BLOC1S6: variants seen among roughly 807,000 people sequenced by gnomAD.
The protein encoded by BLOC1S6 is biogenesis of lysosomal organelles complex 1 subunit 6.
In BLOC1S6, 24 loss-of-function variants were observed where a neutral mutation model predicts 24.7. The observed-to-expected ratio is 0.97, with a 90% CI of 0.70 to 1.37. The LOEUF is 1.37. BLOC1S6 is among the 40% of genes most tolerant of loss of function. The pLI, the probability that BLOC1S6 is intolerant of heterozygous loss-of-function variation, is 0.00. For synonymous variants in BLOC1S6, 76 were observed against 72.6 expected, an observed-to-expected ratio of 1.05 and a Z score of -0.23; for missense variants, 175 against 196.2, an observed-to-expected ratio of 0.89 and a Z score of 0.64.
intron 2 of BLOC1S6, chr15:45,602,263 C>T (rs1454894887): frequency 1.2e-5 from 7 of 594,648 alleles, no homozygotes; most frequent in Non-Finnish European, 2.1e-5. Context: ...GTTGTAATTG[C>T]CCTGAGCCTG....
chr15:45,606,527 G>A lies in BLOC1S6; in HGVS notation c.*13G>A. 4.3e-6 allele frequency: 7 copies of A among 1,614,110 alleles called. No individual in the cohort carries two copies. Among genetic ancestry groups the A allele is most frequent in the Non-Finnish European group, 5.9e-6 (7 of 1,180,014 alleles). ...CAAAAGGATGTGAAAAGTTGTGTTT[G>A]TGTGTTTTCTTCTCCTGTCCCATAT... On this transcript the variant is annotated 3_prime_UTR_variant, in exon 5 of 5. Coordinates refer to ENST00000220531, the MANE Select transcript of BLOC1S6 (RefSeq NM_012388.4).
At chr15:45,587,260 C>T (rs1259308920), upstream of BLOC1S6, 11 of 652,472 alleles carry the variant, frequency 1.7e-5, no homozygotes, top group Non-Finnish European at 2.7e-5. Context: ...GCGCGGGGTC[C>T]CCACAACGCC....
intron 2 of BLOC1S6, chr15:45,601,154 T>C (rs528904382): frequency 1.9e-5 from 3 of 154,518 alleles, no homozygotes; most frequent in South Asian, 2.0e-4. Flanking sequence ...GCAGTTATAC[T>C]ATAATAAAAG....
chr15:45,606,721 T>A lies in BLOC1S6; in HGVS notation c.*207T>A. 1.7e-6 allele frequency: 1 copy of A among 601,770 alleles called. No individual in the cohort carries two copies. The highest frequency in any genetic ancestry group is 2.8e-6 in the Non-Finnish European group (1 of 362,734). 37.3% of individuals were successfully genotyped at this position (601,770 alleles called of 1,614,324 possible). ...TATTTATATGTAAGTTTTTCAAATT[T>A]TGCTTAATTTTAAAATTTATTATTT... On this transcript the variant is annotated 3_prime_UTR_variant, in exon 5 of 5. Coordinates refer to ENST00000220531, the MANE Select transcript of BLOC1S6 (RefSeq NM_012388.4).
Position 45,591,984 on chromosome 15 carries a change from G to A in BLOC1S6, c.83-151G>A, listed in dbSNP as rs144986147. On this transcript the variant is annotated intron_variant, in intron 1 of 4. Coordinates refer to ENST00000220531, the MANE Select transcript of BLOC1S6 (RefSeq NM_012388.4). The stretch of plus-strand genomic sequence containing the variant: ...TAGCTGTGTCAATTTGAAAGGTTCC[G>A]GCTGGTCAGAGTGCAGTGGTGTTTA... 714 of 862,538 alleles carry A rather than the reference G, an allele frequency of 8.3e-4. 5 individuals carry two copies. In the African/African-American group the frequency reaches 0.011, roughly 13 times the overall value. 53.4% of individuals were successfully genotyped at this position (862,538 alleles called of 1,614,324 possible).
intron 3 of BLOC1S6, among the ~76,000 whole-genome samples, 169 bp from the exon 4 acceptor site, chr15:45,605,259 C>CT (rs1309121180): frequency 6.6e-6 from 1 of 152,154 alleles, no homozygotes; most frequent in Admixed American, 6.5e-5. Flanking sequence ...TCAAATCCTA[C>CT]TAACAATATA....
chr15:45,589,490 ACACTTCCTTTAGG>A (rs1893806581), intron 1 of BLOC1S6, among the ~76,000 whole-genome samples: 1 of 152,220 alleles, frequency 6.6e-6, no homozygotes, highest in Non-Finnish European at 1.5e-5. Context: ...CTCAGTGTCC[ACACTTCCTTTAGG>A]AATTTTTCTT....
At chr15:45,605,394 T>G in intron 3 of BLOC1S6, 34 bp from the exon 4 acceptor site, 1 of 1,510,026 alleles carries the variant, frequency 6.6e-7, no homozygotes. Flanking sequence ...TAGTCTATTT[T>G]AACTTGACTT....
chr15:45,593,466 C>A (rs555395138), intron 2 of BLOC1S6, among the ~76,000 whole-genome samples: 1 of 151,194 alleles, frequency 6.6e-6, no homozygotes, highest in East Asian at 1.9e-4. Context: ...GAGTTGGCAA[C>A]CTTCTCAGTT....
chr15:45,602,287 C>CT (rs577048423), intron 2 of BLOC1S6: 24,925 of 500,294 alleles, frequency 0.05, 56 homozygotes, highest in Non-Finnish European at 0.054. Flanking sequence ...GTTGTTATTT[C>CT]TTTTTTTTTT....
intron 2 of BLOC1S6, among the ~76,000 whole-genome samples, chr15:45,597,410 A>G (rs933119481): frequency 6.6e-6 from 1 of 152,152 alleles, no homozygotes; most frequent in African/African-American, 2.4e-5. Flanking sequence ...CCAGGAGTTC[A>G]AGGCTGCAGT....
At chr15:45,606,003 A>G (rs1894442495) in intron 4 of BLOC1S6, among the ~76,000 whole-genome samples, 1 of 152,228 alleles carries the variant, frequency 6.6e-6, no homozygotes, top group Non-Finnish European at 1.5e-5. Context: ...ACAGGGTCTC[A>G]CTACGTTTCC....
intron 1 of BLOC1S6, 155 bp downstream of exon 1, chr15:45,587,680 C>T (rs1893731260): frequency 2.6e-6 from 2 of 777,762 alleles, no homozygotes; most frequent in Non-Finnish European, 4.4e-6. Flanking sequence ...GGAACCGCGC[C>T]GGCCCCTCTG....
chr15:45,593,556 G>C (rs1893962971), intron 2 of BLOC1S6, among the ~76,000 whole-genome samples: 1 of 152,074 alleles, frequency 6.6e-6, no homozygotes, highest in South Asian at 2.1e-4. Flanking sequence ...AATCTTTGTT[G>C]TTGTATGAGG....
chr15:45,592,140 A>C lies in BLOC1S6; in HGVS notation c.88A>C (p.Ser30Arg), dbSNP rs1346795032. 3.1e-6 allele frequency: 5 copies of C among 1,614,006 alleles called. No individual in the cohort carries two copies. Among genetic ancestry groups the C allele is most frequent in the Non-Finnish European group, 4.2e-6 (5 of 1,180,044 alleles). The stretch of plus-strand genomic sequence containing the variant: ...TTGATTTTTGCTGGGGACAGGTTTA[A>C]GTGACACTTCTCCAGATGAAGGGTT... ...LEAGEPTPGL[S>R]DTSPDEGLIE... Residue 30 changes from serine to arginine, a missense_variant, in exon 2 of 5, where the codon AGT becomes CGT. Ser to Arg is a moderately radical substitution (Grantham distance 110, BLOSUM62 -1). Coordinates refer to ENST00000220531, the MANE Select transcript of BLOC1S6 (RefSeq NM_012388.4).
At chr15:45,602,246 T>G in intron 2 of BLOC1S6, 2 of 563,008 alleles carry the variant, frequency 3.6e-6, no homozygotes, top group South Asian at 2.3e-5. Context: ...TGCTGGATAG[T>G]AGAGATGTTG....
At chr15:45,595,945 T>C (rs976297203) in intron 2 of BLOC1S6, among the ~76,000 whole-genome samples, 2 of 152,054 alleles carry the variant, frequency 1.3e-5, no homozygotes, top group Non-Finnish European at 2.9e-5. Context: ...GTAGCTGGGA[T>C]TACAGGCATG....
At position 45,607,016 on chromosome 15, in the gene BLOC1S6, T is replaced by A. The variant is rs1041658232; in HGVS notation, c.*502T>A. 1 of 155,670 alleles carries A rather than the reference T, an allele frequency of 6.4e-6. No homozygotes were observed. Among genetic ancestry groups the A allele is most frequent in the Non-Finnish European group, 1.4e-5 (1 of 70,456 alleles). The allele number at this position is 155,670 out of a possible 1,614,324, so 9.6% of individuals were successfully genotyped here. On this transcript the variant is annotated 3_prime_UTR_variant, in exon 5 of 5. Coordinates refer to ENST00000220531, the MANE Select transcript of BLOC1S6 (RefSeq NM_012388.4). Reference sequence around the variant, plus strand: ...GGTAAACCTTTTGAACAGTTGAATTTCATCAGAAGCTCTATAGCTTTTTGG... The same window carrying A: ...GGTAAACCTTTTGAACAGTTGAATTACATCAGAAGCTCTATAGCTTTTTGG...
At chr15:45,593,748 C>T (rs916793627) in intron 2 of BLOC1S6, among the ~76,000 whole-genome samples, 13 of 152,036 alleles carry the variant, frequency 8.6e-5, no homozygotes, top group Admixed American at 5.2e-4. Context: ...ATTATTTTGA[C>T]GATGATAGTA....
Sources: gnomAD v4.1 joint callset for allele counts (sites outside exome capture counted in the v4.1 genomes callset) on GRCh38, gnomAD v4.1.1 for gene constraint, MANE v1.5 for transcripts, NCBI Gene and HGNC (gene_info 2026-07-23, HGNC 2026-07-21) for gene names.